The following FAM193A variants were observed in gnomAD, a reference collection of about 807,000 sequenced individuals.
The protein encoded by FAM193A is family with sequence similarity 193 member A.
Under a neutral mutation model 126.5 loss-of-function variants are expected in FAM193A, and 22 were observed. That is an observed-to-expected ratio of 0.17 (90% CI 0.12 to 0.25). The LOEUF is 0.25. Among genes scored for constraint, FAM193A ranks in the 10% least tolerant of loss-of-function variants. The pLI, the probability that FAM193A is intolerant of heterozygous loss-of-function variation, is 1.00. For missense variants in FAM193A, 1,675 were observed against 1,672.8 expected, an observed-to-expected ratio of 1.00 and a Z score of -0.02; for synonymous variants, 761 against 646.8, an observed-to-expected ratio of 1.18 and a Z score of -2.68.
intron 8 of FAM193A, 62 bp downstream of exon 8, chr4:2,657,942 C>A: frequency 8.8e-7 from 1 of 1,133,464 alleles, no homozygotes; most frequent in Non-Finnish European, 1.3e-6. Context: ...CAGCAAATGA[C>A]TTCTCTGCAT....
intron 1 of FAM193A, among the ~76,000 whole-genome samples, chr4:2,578,936 C>G (rs1466513299): frequency 1.3e-5 from 2 of 151,726 alleles, no homozygotes; most frequent in Non-Finnish European, 2.9e-5. Flanking sequence ...GTGTCAGAGG[C>G]AGAGGAGGTA....
intron 1 of FAM193A, among the ~76,000 whole-genome samples, chr4:2,586,646 A>G (rs959930339): frequency 6.6e-6 from 1 of 151,970 alleles, no homozygotes; most frequent in Non-Finnish European, 1.5e-5. Context: ...ACACTCTCTG[A>G]ATTATTATAG....
chr4:2,648,951 C>T (rs1745401643), intron 7 of FAM193A, among the ~76,000 whole-genome samples: 1 of 152,218 alleles, frequency 6.6e-6, no homozygotes. Flanking sequence ...CAGTCAACAC[C>T]AGAATGTCCC....
chr4:2,667,497 G>A (rs941403335), intron 12 of FAM193A, among the ~76,000 whole-genome samples: 1 of 152,114 alleles, frequency 6.6e-6, no homozygotes, highest in African/African-American at 2.4e-5. Flanking sequence ...GCATTTGGGG[G>A]TGATGTTATT....
intron 16 of FAM193A, 29 bp from the exon 17 acceptor site, chr4:2,694,917 T>TG: frequency 6.4e-7 from 1 of 1,558,222 alleles, no homozygotes; most frequent in Non-Finnish European, 8.7e-7. Context: ...GCCGGCCACT[T>TG]GCTGATGAGC....
At chr4:2,612,462 G>A in intron 2 of FAM193A, among the ~76,000 whole-genome samples, 1 of 152,060 alleles carries the variant, frequency 6.6e-6, no homozygotes, top group Non-Finnish European at 1.5e-5. Flanking sequence ...TTGCACCACT[G>A]TACTCCAGCC....
chr4:2,690,054 C>A (rs898230796), intron 14 of FAM193A, among the ~76,000 whole-genome samples: 1 of 152,238 alleles, frequency 6.6e-6, no homozygotes, highest in South Asian at 2.1e-4. Context: ...CCTCAGCCCC[C>A]CCGGTGCACA....
chr4:2,731,065 G>A (rs1284202532), intron 20 of FAM193A, among the ~76,000 whole-genome samples: 4 of 147,188 alleles, frequency 2.7e-5, no homozygotes, highest in Non-Finnish European at 6.0e-5. Context: ...ACGTGGTGGT[G>A]GGCACCTGTA....
intron 4 of FAM193A, among the ~76,000 whole-genome samples, chr4:2,630,666 C>T (rs979892029): frequency 2.6e-5 from 4 of 152,212 alleles, no homozygotes; most frequent in Non-Finnish European, 1.5e-5. Context: ...CCACACACAG[C>T]GAACTGAATT....
At chr4:2,626,651 T>G in intron 4 of FAM193A, 74 bp downstream of exon 4, 2 of 650,884 alleles carry the variant, frequency 3.1e-6, no homozygotes, top group South Asian at 3.2e-5. Flanking sequence ...GCCACTCCTT[T>G]CAGGATGGGC....
At position 2,680,793 on chromosome 4, in the gene FAM193A, C is replaced by T. The variant is rs1217725167; in HGVS notation, c.2331+8421C>T. 3.9e-5 allele frequency among the ~76,000 whole-genome samples: 6 copies of T among 152,010 alleles called. No individual in the cohort carries two copies. The East Asian group carries it at 9.6e-4, about 24-fold the overall frequency. ...TATAGTTGGGATTACAGGCGCCCAC[C>T]ACCATGCCCGGCTAATTTTTGTATT... On this transcript the variant is annotated intron_variant, in intron 13 of 20. Transcript: ENST00000637812.
chr4:2,699,672 A>G lies in FAM193A; in HGVS notation c.3508-8A>G, dbSNP rs371287034. The G allele has an allele frequency of 1.1e-5, 17 of 1,578,674 alleles. No individual in the cohort carries two copies. In the South Asian group the frequency reaches 1.3e-4, roughly 12 times the overall value. Reference sequence around the variant, plus strand: ...TAGTCTTAAATTGCCTTCTTTTTGCATTGGCAGCTGGAGGAGAAAGCTCGC... The same window carrying G: ...TAGTCTTAAATTGCCTTCTTTTTGCGTTGGCAGCTGGAGGAGAAAGCTCGC... On this transcript the variant is annotated splice_region_variant and splice_polypyrimidine_tract_variant and intron_variant, in intron 18 of 20. Coordinates refer to ENST00000637812, the MANE Select transcript of FAM193A (RefSeq NM_001366318.2).
intron 1 of FAM193A, among the ~76,000 whole-genome samples, chr4:2,555,042 T>C (rs2108828413): frequency 6.6e-6 from 1 of 152,384 alleles, no homozygotes; most frequent in Non-Finnish European, 1.5e-5. Context: ...TTAATTGTAA[T>C]GTGTATGTGA....
chr4:2,678,152 A>AT (rs745549253), intron 13 of FAM193A, among the ~76,000 whole-genome samples: 1 of 151,008 alleles, frequency 6.6e-6, no homozygotes, highest in Non-Finnish European at 1.5e-5. Context: ...CGCTCAGCTA[A>AT]TTTTTTGTAT....
chr4:2,677,717 G>A (rs1714583418), intron 13 of FAM193A, among the ~76,000 whole-genome samples: 1 of 150,446 alleles, frequency 6.6e-6, no homozygotes, highest in Non-Finnish European at 1.5e-5. Flanking sequence ...CTCCAGCCTG[G>A]GCAACAAGAG....
chr4:2,613,379 T>G (rs1185379866), intron 2 of FAM193A, among the ~76,000 whole-genome samples: 2 of 105,834 alleles, frequency 1.9e-5, no homozygotes, highest in Non-Finnish European at 4.0e-5. Flanking sequence ...GAAATTCAGC[T>G]TTTTTTTTTT....
intron 15 of FAM193A, among the ~76,000 whole-genome samples, chr4:2,692,756 A>C (rs16843208): frequency 0.047 from 7,090 of 149,264 alleles, 518 homozygotes; most frequent in African/African-American, 0.15. Flanking sequence ...AAATTGGAAA[A>C]TGGAATATGG....
At chr4:2,567,224 AGGCGTGAGCCACCACGCCC>A (rs1330918732) in intron 1 of FAM193A, among the ~76,000 whole-genome samples, 63 of 151,862 alleles carry the variant, frequency 4.1e-4, no homozygotes, top group African/African-American at 1.5e-3. Context: ...CTGGGATTAC[AGGCGTGAGCCACCACGCCC>A]GGCCTGAGCC....
At chr4:2,570,335 A>C (rs1442932897) in intron 1 of FAM193A, among the ~76,000 whole-genome samples, 2 of 152,160 alleles carry the variant, frequency 1.3e-5, no homozygotes, top group African/African-American at 4.8e-5. Context: ...TCTATGAGTT[A>C]CTGTGGATTT....
Sources: gnomAD v4.1 joint callset for allele counts (sites outside exome capture counted in the v4.1 genomes callset) on GRCh38, gnomAD v4.1.1 for gene constraint, MANE v1.5 for transcripts, NCBI Gene and HGNC (gene_info 2026-07-23, HGNC 2026-07-21) for gene names.